MYO3A: variants seen among roughly 807,000 people sequenced by gnomAD.
MYO3A encodes the protein myosin IIIA.
MYO3A carries 180 observed loss-of-function variants against 192.7 expected under a neutral mutation model. The observed-to-expected ratio is 0.93, with a 90% CI of 0.83 to 1.06. The LOEUF (loss-of-function observed/expected upper bound fraction) is 1.06, where lower values mean the gene tolerates loss of function less well. Among genes scored for constraint, MYO3A ranks in the 50% least tolerant of loss-of-function variants. The pLI is 0.00. For missense variants in MYO3A, 1,896 were observed against 1,905.0 expected (o/e 1.00, Z 0.09); for synonymous variants, 628 against 645.3 (o/e 0.97, Z 0.41).
intron 4 of MYO3A, among the ~76,000 whole-genome samples, chr10:25,992,408 G>C (rs1320671349): frequency 1.3e-5 from 2 of 152,184 alleles, no homozygotes; most frequent in African/African-American, 2.4e-5. Context: ...AGGAGATTTT[G>C]GGCTGAGACA....
At position 26,049,545 on chromosome 10, in the gene MYO3A, C is replaced by T. The variant is rs146870817; in HGVS notation, c.954-17430C>T. ...AGAGGGGATCATTATAGCAGTGGATCCTGGAAACAGCAAGTGCACAGCAGA... is the reference window on the plus strand; with the variant it reads ...AGAGGGGATCATTATAGCAGTGGATTCTGGAAACAGCAAGTGCACAGCAGA... On this transcript the variant is annotated intron_variant, in intron 10 of 34. Transcript: ENST00000642920. 2.4e-3 allele frequency among the ~76,000 whole-genome samples: 363 copies of T among 152,166 alleles called. 2 individuals are homozygous for T. Among genetic ancestry groups the T allele is most frequent in the African/African-American group, 8.4e-3 (347 of 41,526 alleles).
At chr10:26,052,085 T>G (rs1412809438) in intron 10 of MYO3A, among the ~76,000 whole-genome samples, 1 of 152,226 alleles carries the variant, frequency 6.6e-6, no homozygotes, top group Admixed American at 6.5e-5. Flanking sequence ...GGATTTCAGT[T>G]ATTTCATATG....
At chr10:26,194,378 C>T (rs541169525) in intron 32 of MYO3A, among the ~76,000 whole-genome samples, 11 of 152,244 alleles carry the variant, frequency 7.2e-5, no homozygotes, top group African/African-American at 2.2e-4. Flanking sequence ...TTCTTGTCCT[C>T]GAGCCATAGT....
chr10:26,017,595 T>C (rs1174958442), intron 7 of MYO3A, among the ~76,000 whole-genome samples: 1 of 152,092 alleles, frequency 6.6e-6, no homozygotes, highest in Non-Finnish European at 1.5e-5. Context: ...ATATTAATAT[T>C]TTCAAATCTT....
At chr10:26,062,592 G>T (rs1460849199) in intron 10 of MYO3A, among the ~76,000 whole-genome samples, 1 of 113,016 alleles carries the variant, frequency 8.8e-6, no homozygotes, top group Non-Finnish European at 2.2e-5. Flanking sequence ...TCTGTCATTA[G>T]ATACTTTTTT....
At chr10:26,111,282 C>T (rs1838162017) in intron 17 of MYO3A, among the ~76,000 whole-genome samples, 1 of 152,172 alleles carries the variant, frequency 6.6e-6, no homozygotes, top group African/African-American at 2.4e-5. Context: ...ATGTGGCCCC[C>T]ACCCAAAGAC....
intron 17 of MYO3A, among the ~76,000 whole-genome samples, chr10:26,115,319 C>A (rs1206092756): frequency 6.6e-6 from 1 of 152,134 alleles, no homozygotes; most frequent in African/African-American, 2.4e-5. Context: ...GCTTTTGAGT[C>A]TAGGTATGAC....
chr10:25,995,295 A>G (rs1466517717), intron 4 of MYO3A, among the ~76,000 whole-genome samples: 1 of 152,194 alleles, frequency 6.6e-6, no homozygotes, highest in Admixed American at 6.5e-5. Flanking sequence ...AGTTGATCGA[A>G]TCAGTTGCTG....
At chr10:26,177,924 A>C (rs969354525) in intron 31 of MYO3A, among the ~76,000 whole-genome samples, 1 of 152,248 alleles carries the variant, frequency 6.6e-6, no homozygotes, top group Non-Finnish European at 1.5e-5. Context: ...ATTCTGCCAC[A>C]TCGTTTTCAA....
At chr10:26,082,785 C>T (rs571985213) in intron 14 of MYO3A, among the ~76,000 whole-genome samples, 1 of 150,396 alleles carries the variant, frequency 6.6e-6, no homozygotes, top group Admixed American at 6.6e-5. Flanking sequence ...TCTCAGAATA[C>T]CTTAGTTTCA....
intron 26 of MYO3A, among the ~76,000 whole-genome samples, chr10:26,163,997 A>G (rs1226019690): frequency 6.6e-6 from 1 of 152,186 alleles, no homozygotes; most frequent in Non-Finnish European, 1.5e-5. Context: ...AATAACAGCA[A>G]GTGCTGCAGA....
chr10:26,037,379 T>C (rs1454165606), intron 10 of MYO3A, among the ~76,000 whole-genome samples: 1 of 152,214 alleles, frequency 6.6e-6, no homozygotes, highest in African/African-American at 2.4e-5. Flanking sequence ...ACAGACACAA[T>C]AGTGCGTTTA....
chr10:26,066,010 G>GGAGGCT (rs55935469), intron 10 of MYO3A, among the ~76,000 whole-genome samples: 1 of 92,292 alleles, frequency 1.1e-5, no homozygotes, highest in Non-Finnish European at 2.5e-5. Context: ...CAGCTACACG[G>GGAGGCT]GAGGCTGAGG....
chr10:25,956,952 A>G (rs542586878), intron 4 of MYO3A, among the ~76,000 whole-genome samples: 142 of 152,218 alleles, frequency 9.3e-4, no homozygotes, highest in African/African-American at 3.0e-3. Context: ...CTCATAATTT[A>G]GCTCCACTTA....
intron 4 of MYO3A, among the ~76,000 whole-genome samples, chr10:25,986,383 G>A (rs893652770): frequency 6.6e-6 from 1 of 152,074 alleles, no homozygotes; most frequent in Non-Finnish European, 1.5e-5. Flanking sequence ...AAGAAATAAA[G>A]AACATCCAAA....
intron 10 of MYO3A, among the ~76,000 whole-genome samples, chr10:26,061,659 A>C (rs929515456): frequency 1.3e-5 from 2 of 152,192 alleles, no homozygotes; most frequent in Non-Finnish European, 2.9e-5. Flanking sequence ...GAGCCATCTG[A>C]GGTTGTTTTA....
chr10:25,936,318 G>A (rs1303952861), intron 2 of MYO3A, among the ~76,000 whole-genome samples: 1 of 151,916 alleles, frequency 6.6e-6, no homozygotes, highest in African/African-American at 2.4e-5. Context: ...GCTACAAGTG[G>A]TTTTGATAAA....
chr10:26,210,104 A>G lies in MYO3A; in HGVS notation c.4731-1739A>G, dbSNP rs552027111. ...GGGTGACAGAGTGAGAAAGAGCGAAAAGAGAGAGAGAAGGGAGGGAGGGAG... is the reference window on the plus strand; with the variant it reads ...GGGTGACAGAGTGAGAAAGAGCGAAGAGAGAGAGAGAAGGGAGGGAGGGAG... On this transcript the variant is annotated intron_variant, in intron 34 of 34. Transcript: ENST00000642920. Among the ~76,000 whole-genome samples the G allele has an allele frequency of 7.7e-5, 10 of 130,498 alleles. No individual in the cohort carries two copies. The East Asian group carries it at 1.0e-3, about 14-fold the overall frequency. The allele number at this position is 130,498 out of a possible 152,430, so 85.6% of individuals were successfully genotyped here. A position where few individuals can be genotyped will look rare whatever the true frequency, so the allele number is the denominator to read the frequency against.
intron 10 of MYO3A, among the ~76,000 whole-genome samples, chr10:26,042,430 C>T (rs1462730182): frequency 6.6e-6 from 1 of 152,104 alleles, no homozygotes; most frequent in Non-Finnish European, 1.5e-5. Flanking sequence ...CTCTTTTTAG[C>T]CAGTAAGTTT....
Sources: gnomAD v4.1 joint callset for allele counts (sites outside exome capture counted in the v4.1 genomes callset) on GRCh38, gnomAD v4.1.1 for gene constraint, MANE v1.5 for transcripts, NCBI Gene and HGNC (gene_info 2026-07-23, HGNC 2026-07-21) for gene names.